The following KMT2E variants were observed in gnomAD, a reference collection of about 807,000 sequenced individuals.
KMT2E encodes lysine methyltransferase 2E (inactive).
Under a neutral mutation model 184.6 loss-of-function variants are expected in KMT2E, and 30 were observed. The ratio of observed to expected loss-of-function variants is 0.16; its 90% CI spans 0.12 to 0.22. The LOEUF is 0.22. Among genes scored for constraint, KMT2E ranks in the 10% least tolerant of loss-of-function variants. The pLI, the probability that KMT2E is intolerant of heterozygous loss-of-function variation, is 1.00. For synonymous variants in KMT2E, 815 were observed against 776.5 expected (o/e 1.05, Z -0.82); for missense variants, 2,023 against 2,237.4 (o/e 0.90, Z 1.93).
At chr7:105,070,517 C>T (rs1797238160) in intron 6 of KMT2E, among the ~76,000 whole-genome samples, 1 of 151,168 alleles carries the variant, frequency 6.6e-6, no homozygotes, top group Non-Finnish European at 1.5e-5. Flanking sequence ...GCTTGTAATC[C>T]CAGCTACTCA....
chr7:105,109,327 C>G, intron 23 of KMT2E, 99 bp downstream of exon 23: 1 of 1,215,830 alleles, frequency 8.2e-7, no homozygotes, highest in Non-Finnish European at 1.1e-6. Flanking sequence ...GATAGTGCTT[C>G]GTGGTCACAA....
chr7:105,028,604 A>C (rs1013386008), intron 1 of KMT2E, among the ~76,000 whole-genome samples: 6 of 152,020 alleles, frequency 3.9e-5, no homozygotes, highest in African/African-American at 1.4e-4. Flanking sequence ...CAATTCTTGC[A>C]CCTCAGCTTC....
At chr7:105,063,789 C>T (rs966864407) in intron 5 of KMT2E, 4 of 539,344 alleles carry the variant, frequency 7.4e-6, no homozygotes, top group African/African-American at 3.9e-5. Context: ...AATAGACAGT[C>T]AGTTCTGAAC....
intron 6 of KMT2E, among the ~76,000 whole-genome samples, chr7:105,071,606 ATATTTTTTTTT>A (rs1334197453): frequency 3.4e-5 from 2 of 58,714 alleles, no homozygotes; most frequent in African/African-American, 7.7e-5. Context: ...ATATATATAT[ATATTTTTTTTT>A]TTTTTTTTTT....
chr7:105,040,786 A>G, intron 2 of KMT2E, 53 bp from the exon 3 acceptor site: 2 of 405,424 alleles, frequency 4.9e-6, no homozygotes, highest in Admixed American at 4.3e-5. Flanking sequence ...ATGTTATTTT[A>G]CTTACTGTTA....
intron 3 of KMT2E, among the ~76,000 whole-genome samples, chr7:105,041,526 C>G (rs560543435): frequency 6.6e-6 from 1 of 152,184 alleles, no homozygotes; most frequent in East Asian, 1.9e-4. Flanking sequence ...CTCAGCCTCC[C>G]GAGTAGCTGT....
intron 1 of KMT2E, among the ~76,000 whole-genome samples, chr7:105,030,999 A>G (rs1268013794): frequency 6.6e-6 from 1 of 152,224 alleles, no homozygotes; most frequent in Non-Finnish European, 1.5e-5. Flanking sequence ...CAAAATAGTG[A>G]TAGAAAGCAT....
chr7:105,114,870 G>T lies in KMT2E; in HGVS notation c.*1537G>T, dbSNP rs557763008. ...TTAGAAGAACATATAGGCCAAGTTT[G>T]CCATCCTCAATTTGTCCAACAAAAT... On this transcript the variant is annotated 3_prime_UTR_variant, in exon 27 of 27. Coordinates refer to ENST00000311117, the MANE Select transcript of KMT2E (RefSeq NM_182931.3). Among the ~76,000 whole-genome samples the T allele has an allele frequency of 2.0e-5, 3 of 152,254 alleles. No individual in the cohort carries two copies. In the East Asian group the frequency reaches 5.8e-4, roughly 29 times the overall value.
chr7:105,102,142 C>A lies in KMT2E; in HGVS notation c.2144C>A (p.Thr715Asn), dbSNP rs1199629210. Residue 715 changes from threonine (T) to asparagine (N), a missense_variant, in exon 17 of 27, where the codon ACT (threonine) becomes AAT (asparagine). Transcript: ENST00000311117. ...ETALAEIITETEVPALNKCPT... is the reference protein window; with the variant it reads ...ETALAEIITENEVPALNKCPT... ...GCACTAGCAGAAATAATTACTGAAA[C>A]TGAAGTTCCAGCACTTAATAAATGT... The A allele has an allele frequency of 6.2e-7, 1 of 1,612,516 alleles. No homozygotes were observed. Among genetic ancestry groups the A allele is most frequent in the African/African-American group, 1.3e-5 (1 of 74,840 alleles).
intron 1 of KMT2E, among the ~76,000 whole-genome samples, chr7:105,021,849 CATG>C (rs755206090): frequency 1.3e-5 from 2 of 152,058 alleles, no homozygotes; most frequent in Non-Finnish European, 2.9e-5. Flanking sequence ...GCCACACACA[CATG>C]ATGAGGAATG....
intron 1 of KMT2E, among the ~76,000 whole-genome samples, chr7:105,016,759 T>C (rs1196038255): frequency 1.3e-5 from 2 of 152,158 alleles, no homozygotes; most frequent in Non-Finnish European, 2.9e-5. Context: ...GGTTGAAGAG[T>C]ATACACTGTT....
chr7:105,089,882 A>G (rs1301693453), intron 13 of KMT2E, 127 bp from the exon 14 acceptor site: 8 of 1,360,196 alleles, frequency 5.9e-6, no homozygotes, highest in Non-Finnish European at 7.9e-6. Flanking sequence ...GTAAATTACT[A>G]AAAAGGATTG....
chr7:105,032,696 G>A (rs1035752545), intron 1 of KMT2E, among the ~76,000 whole-genome samples: 1 of 152,072 alleles, frequency 6.6e-6, no homozygotes, highest in African/African-American at 2.4e-5. Flanking sequence ...GTAGAGACAG[G>A]GTCTTGGTTT....
intron 3 of KMT2E, 185 bp from the exon 4 acceptor site, chr7:105,061,979 G>A: frequency 2.4e-6 from 1 of 412,074 alleles, no homozygotes; most frequent in South Asian, 8.0e-5. Flanking sequence ...TACTTAAACA[G>A]AAGTTTGCTT....
At chr7:105,077,719 G>A (rs962012549) in intron 11 of KMT2E, 5 of 264,032 alleles carry the variant, frequency 1.9e-5, no homozygotes, top group South Asian at 1.1e-4. Context: ...ATATAGGTTG[G>A]ATATAGAAGG....
intron 1 of KMT2E, among the ~76,000 whole-genome samples, chr7:105,036,982 T>C (rs1231646983): frequency 6.6e-6 from 1 of 152,166 alleles, no homozygotes; most frequent in Non-Finnish European, 1.5e-5. Flanking sequence ...TAGTATTCTT[T>C]TCATTTTACC....
In KMT2E at chr7:105,017,417, G is replaced by GT. The variant is rs754633018; in HGVS notation, c.-189+2891dup. 1.7e-3 allele frequency among the ~76,000 whole-genome samples: 226 copies of GT among 129,144 alleles called. 1 individual carries two copies. Among genetic ancestry groups the GT allele is most frequent in the Middle Eastern group, 0.013 (3 of 226 alleles). The allele number at this position is 129,144 out of a possible 152,430, so 84.7% of individuals were successfully genotyped here. A position where few individuals can be genotyped will look rare whatever the true frequency, so the allele number is the denominator to read the frequency against. On this transcript the variant is annotated intron_variant, in intron 1 of 26. Transcript: ENST00000311117. ...TTCTTTTTGGTGGTGGTGGTGGGTG[G>GT]TTTTTTTTTGTTTTTTGTTTTTTTT...
intron 1 of KMT2E, among the ~76,000 whole-genome samples, chr7:105,018,611 TATA>T (rs1794812480): frequency 6.6e-6 from 1 of 152,172 alleles, no homozygotes; most frequent in Non-Finnish European, 1.5e-5. Flanking sequence ...ATATTGAAAA[TATA>T]ATTATTTTAT....
rs534831178 is a variant in KMT2E at position 105,045,078 on chromosome 7, T to C, written c.71+4055T>C. 2.6e-5 allele frequency among the ~76,000 whole-genome samples: 4 copies of C among 152,338 alleles called. No individual in the cohort carries two copies. The East Asian group carries it at 7.7e-4, about 29-fold the overall frequency. The stretch of plus-strand genomic sequence containing the variant: ...TCCTGTAATTGGGCACGGTCTAAAA[T>C]GTAGGTCCATTCAGATGTCCAAATC... On this transcript the variant is annotated intron_variant, in intron 3 of 26. Transcript: ENST00000311117.
Sources: allele counts gnomAD v4.1 joint callset (sites outside exome capture counted in the v4.1 genomes callset), GRCh38; gene constraint gnomAD v4.1.1; transcripts MANE v1.5; gene names NCBI Gene and HGNC (gene_info 2026-07-23, HGNC 2026-07-21).